PRDM5: variants seen among roughly 807,000 people sequenced by gnomAD.
PRDM5 encodes the protein PR/SET domain 5, also known as PR domain zinc finger protein 5.
Under a neutral mutation model 81.2 loss-of-function variants are expected in PRDM5, and 56 were observed. That is an observed-to-expected ratio of 0.69 (90% CI 0.56 to 0.86). The LOEUF (loss-of-function observed/expected upper bound fraction) is 0.86, where lower values mean the gene tolerates loss of function less well. PRDM5 is among the 40% of genes least tolerant of loss of function. PRDM5 has a pLI of 0.00. For missense variants in PRDM5, 697 were observed against 770.1 expected, an observed-to-expected ratio of 0.91 and a Z score of 1.12; for synonymous variants, 267 against 256.4, an observed-to-expected ratio of 1.04 and a Z score of -0.39.
intron 10 of PRDM5, among the ~76,000 whole-genome samples, chr4:120,790,703 C>A (rs754572896): frequency 4.6e-4 from 70 of 152,200 alleles, no homozygotes; most frequent in Non-Finnish European, 4.9e-4. Flanking sequence ...TAACATAAAT[C>A]TGTAGAATTT....
intron 10 of PRDM5, among the ~76,000 whole-genome samples, chr4:120,791,178 C>A (rs986771233): frequency 4.1e-4 from 62 of 152,188 alleles, no homozygotes; most frequent in African/African-American, 1.5e-3. Context: ...CCAGAAATTC[C>A]ACACCTGAGA....
chr4:120,762,099 G>A (rs527357423), intron 13 of PRDM5, among the ~76,000 whole-genome samples: 16 of 152,036 alleles, frequency 1.1e-4, no homozygotes, highest in East Asian at 9.6e-4. Context: ...TTTTAATAAC[G>A]TTAACTTGTC....
intron 2 of PRDM5, among the ~76,000 whole-genome samples, chr4:120,892,255 A>G (rs1764136812): frequency 6.6e-6 from 1 of 151,794 alleles, no homozygotes; most frequent in Non-Finnish European, 1.5e-5. Context: ...ATTTTAGAGT[A>G]TGTACCACCT....
chr4:120,717,418 T>G (rs1737950472), intron 14 of PRDM5, among the ~76,000 whole-genome samples: 1 of 152,186 alleles, frequency 6.6e-6, no homozygotes, highest in Admixed American at 6.5e-5. Flanking sequence ...CCTTGTAATC[T>G]AGGTAATAAA....
intron 14 of PRDM5, among the ~76,000 whole-genome samples, chr4:120,748,941 A>G (rs79852959): frequency 0.19 from 29,660 of 152,112 alleles, 3,549 homozygotes; most frequent in Non-Finnish European, 0.27. Flanking sequence ...GGGGGAGCTA[A>G]CTGGACATGG....
chr4:120,900,300 A>G (rs886183752), intron 2 of PRDM5, among the ~76,000 whole-genome samples: 1 of 152,166 alleles, frequency 6.6e-6, no homozygotes, highest in Admixed American at 6.5e-5. Flanking sequence ...CCTGGCAAAC[A>G]GTCCCATCCT....
rs1001965247 is a variant in PRDM5, at chr4:120,744,765, G to T, written c.1623+9788C>A. ...GAATCTCTGAATAGACCAATAACAG[G>T]ATCTGAAATTGTGGCAAGAATCAAT... is the stretch of plus-strand genomic sequence containing the variant. On this transcript the variant is annotated intron_variant, in intron 14 of 15. Transcript: ENST00000264808. Among the ~76,000 whole-genome samples the T allele has an allele frequency of 3.3e-3, 505 of 151,106 alleles. 2 individuals carry two copies. The highest frequency in any genetic ancestry group is 0.011 in the African/African-American group (467 of 41,056).
At chr4:120,872,023 C>T (rs1037823684) in intron 2 of PRDM5, among the ~76,000 whole-genome samples, 3 of 151,702 alleles carry the variant, frequency 2.0e-5, no homozygotes, top group Non-Finnish European at 4.4e-5. Flanking sequence ...TGGTGGCACA[C>T]GCCTGTAATC....
chr4:120,774,699 G>A (rs1747796940), intron 13 of PRDM5, among the ~76,000 whole-genome samples: 1 of 152,002 alleles, frequency 6.6e-6, no homozygotes, highest in South Asian at 2.1e-4. Context: ...GGTCACTGAG[G>A]GCATAGGCTT....
chr4:120,888,467 T>C, intron 2 of PRDM5, among the ~76,000 whole-genome samples: 1 of 152,360 alleles, frequency 6.6e-6, no homozygotes, highest in African/African-American at 2.4e-5. Flanking sequence ...ATAAAATCTT[T>C]ATAATATTCC....
intron 10 of PRDM5, among the ~76,000 whole-genome samples, chr4:120,789,065 A>G (rs906803237): frequency 1.3e-5 from 2 of 152,186 alleles, no homozygotes; most frequent in Non-Finnish European, 2.9e-5. Context: ...TGATCAAATG[A>G]TCCTTAATAA....
chr4:120,741,450 T>C (rs1300461583), intron 14 of PRDM5, among the ~76,000 whole-genome samples: 4 of 151,806 alleles, frequency 2.6e-5, no homozygotes, highest in South Asian at 2.1e-4. Flanking sequence ...GGAACAGCTC[T>C]GGTCTACAGC....
Position 120,785,057 on chromosome 4 carries a change from T to G in PRDM5, c.1223A>C (p.Glu408Ala). ...HSEERPFQCE[E>A]CKALFRTPFS... ...TGGGGTCCGGAACAAAGCTTTACATTCTTCACATTGGAACGGTCTCTCCTC... is the reference window on the plus strand; with the variant it reads ...TGGGGTCCGGAACAAAGCTTTACATGCTTCACATTGGAACGGTCTCTCCTC... Residue 408 changes from glutamate (E) to alanine (A), a missense_variant, in exon 11 of 16, where the codon GAA (glutamate) becomes GCA (alanine). Coordinates refer to ENST00000264808, the MANE Select transcript of PRDM5 (RefSeq NM_018699.4). 6.2e-7 allele frequency: 1 copy of G among 1,611,838 alleles called. No individual in the cohort carries two copies. Among genetic ancestry groups the G allele is most frequent in the African/African-American group, 1.3e-5 (1 of 74,972 alleles).
chr4:120,900,357 C>CA (rs1266921817), intron 2 of PRDM5, among the ~76,000 whole-genome samples: 7 of 151,946 alleles, frequency 4.6e-5, no homozygotes, highest in Non-Finnish European at 8.8e-5. Context: ...CATTAGCAAA[C>CA]AAAAAACACT....
At chr4:120,745,517 G>A (rs1450405329) in intron 14 of PRDM5, among the ~76,000 whole-genome samples, 1 of 151,040 alleles carries the variant, frequency 6.6e-6, no homozygotes, top group South Asian at 2.1e-4. Context: ...TGAGATGATT[G>A]TATATCTAGA....
intron 14 of PRDM5, among the ~76,000 whole-genome samples, chr4:120,726,240 G>A (rs569196982): frequency 6.6e-6 from 1 of 152,258 alleles, no homozygotes; most frequent in South Asian, 2.1e-4. Context: ...AGCTGTCTAG[G>A]TTACTAAGAA....
intron 14 of PRDM5, among the ~76,000 whole-genome samples, chr4:120,718,089 C>T (rs1738060392): frequency 6.6e-6 from 1 of 152,206 alleles, no homozygotes; most frequent in Non-Finnish European, 1.5e-5. Flanking sequence ...GAAGGTTCAA[C>T]TTGCGAGTGA....
intron 15 of PRDM5, among the ~76,000 whole-genome samples, chr4:120,700,706 C>G (rs80095301): frequency 1.4e-3 from 207 of 152,264 alleles, no homozygotes; most frequent in Non-Finnish European, 2.2e-3. Flanking sequence ...CATTCACAGA[C>G]ACTTCTCAAA....
chr4:120,839,627 G>A (rs764194877), intron 3 of PRDM5, among the ~76,000 whole-genome samples: 3 of 152,190 alleles, frequency 2.0e-5, no homozygotes, highest in Non-Finnish European at 4.4e-5. Context: ...GGCACCACAA[G>A]TTCCCATTCT....
Sources: allele counts gnomAD v4.1 joint callset (sites outside exome capture counted in the v4.1 genomes callset), GRCh38; gene constraint gnomAD v4.1.1; transcripts MANE v1.5; gene names NCBI Gene and HGNC (gene_info 2026-07-23, HGNC 2026-07-21).